The following ARHGEF4 variants were observed in gnomAD, a reference collection of about 807,000 sequenced individuals.
ARHGEF4 encodes Rho guanine nucleotide exchange factor 4, also known as APC-stimulated guanine nucleotide exchange factor 1.
A neutral mutation model predicts 162.0 loss-of-function variants in ARHGEF4; 119 were observed. That is an observed-to-expected ratio of 0.73 (90% CI 0.63 to 0.86). ARHGEF4 has a LOEUF of 0.86. Among genes scored for constraint, ARHGEF4 ranks in the 40% least tolerant of loss-of-function variants. The pLI is 0.00. For synonymous variants in ARHGEF4, 1,014 were observed against 979.9 expected (o/e 1.03, Z -0.65); for missense variants, 2,488 against 2,456.0 (o/e 1.01, Z -0.28).
chr2:131,025,288 T>A (rs1689407497), intron 4 of ARHGEF4, among the ~76,000 whole-genome samples: 1 of 152,142 alleles, frequency 6.6e-6, no homozygotes, highest in Admixed American at 6.5e-5. Flanking sequence ...TCATGAGAAC[T>A]CATTCACTAT....
In ARHGEF4 at chr2:130,890,432, G is replaced by T. The variant is rs375606747; in HGVS notation, c.40-23554G>T. Among the ~76,000 whole-genome samples the T allele has an allele frequency of 1.1e-3, 169 of 152,110 alleles. 1 individual carries two copies. The highest frequency in any genetic ancestry group is 3.8e-3 in the African/African-American group (158 of 41,490). ...CAAAAATTAACCAGGTGTGGTGGCG[G>T]GTGCCTGTAGTCCCAGGTACTTGGG... On this transcript the variant is annotated intron_variant, in intron 1 of 13. Coordinates refer to ENST00000409359, the MANE Select transcript of ARHGEF4 (RefSeq NM_001367493.1).
chr2:130,943,603 G>A (rs1683433462), intron 3 of ARHGEF4, among the ~76,000 whole-genome samples: 1 of 151,756 alleles, frequency 6.6e-6, no homozygotes, highest in South Asian at 2.1e-4. Flanking sequence ...CTTTGTATAG[G>A]TTTTTTTAGT....
Position 130,916,850 on chromosome 2 carries a change from CCTAGTGAGTCTGCCT to C in ARHGEF4, c.2909_2923del (p.Val970_Leu974del), listed in dbSNP as rs1166541251. On this transcript the variant is annotated inframe_deletion, in exon 2 of 14. Transcript: ENST00000409359. ...ATGCCGGAAGCCCCAAAAAGCCCACCCTAGTGAGTCTGCCTCTAGGACCCGAAGTTCTCTCCCCAG... is the reference window on the plus strand; with the variant it reads ...ATGCCGGAAGCCCCAAAAAGCCCACCCTAGGACCCGAAGTTCTCTCCCCAG... 4.0e-5 allele frequency: 62 copies of C among 1,550,306 alleles called. No individual in the cohort carries two copies. The highest frequency in any genetic ancestry group is 5.4e-5 in the Non-Finnish European group (62 of 1,146,992).
intron 3 of ARHGEF4, among the ~76,000 whole-genome samples, chr2:130,931,924 T>G (rs1475591775): frequency 2.0e-5 from 3 of 152,198 alleles, no homozygotes; most frequent in Non-Finnish European, 4.4e-5. Flanking sequence ...TGAGGTGAAA[T>G]TCACATAATG....
At chr2:130,884,824 G>T (rs1347858066) in intron 1 of ARHGEF4, among the ~76,000 whole-genome samples, 3 of 151,708 alleles carry the variant, frequency 2.0e-5, no homozygotes, top group Admixed American at 2.0e-4. Context: ...CTGCCTCCTG[G>T]AATCATACGC....
At chr2:130,840,186 GCA>G (rs1322762473) in intron 1 of ARHGEF4, among the ~76,000 whole-genome samples, 1 of 151,846 alleles carries the variant, frequency 6.6e-6, no homozygotes, top group Non-Finnish European at 1.5e-5. Context: ...GGACACACAG[GCA>G]CACACACAGA....
chr2:130,950,689 C>G lies in ARHGEF4; in HGVS notation c.3985+4054C>G, dbSNP rs188450159. 3.2e-3 allele frequency among the ~76,000 whole-genome samples: 465 copies of G among 146,162 alleles called. 6 individuals carry two copies. The South Asian group carries it at 0.036, about 11-fold the overall frequency. On this transcript the variant is annotated intron_variant, in intron 4 of 13. Transcript: ENST00000409359. ...AAGCTCTGTACCTTTAGCTATTACC[C>G]CCCACCACCACCCGAAGGAACCACT... is the stretch of plus-strand genomic sequence containing the variant.
chr2:130,886,317 G>T (rs1679516716), intron 1 of ARHGEF4, among the ~76,000 whole-genome samples: 1 of 151,672 alleles, frequency 6.6e-6, no homozygotes, highest in Non-Finnish European at 1.5e-5. Context: ...TAAGATCAAG[G>T]AGGTATTAAC....
intron 4 of ARHGEF4, among the ~76,000 whole-genome samples, chr2:130,985,932 ATG>A (rs772907650): frequency 1.3e-4 from 20 of 150,416 alleles, no homozygotes; most frequent in Non-Finnish European, 2.4e-4. Context: ...GGTGTGTTGC[ATG>A]TGTGTGTTGA....
intron 4 of ARHGEF4, among the ~76,000 whole-genome samples, chr2:130,980,540 G>C (rs1473003759): frequency 6.6e-6 from 1 of 152,002 alleles, no homozygotes; most frequent in Non-Finnish European, 1.5e-5. Context: ...ACTATACAAC[G>C]AAACAGGGAG....
At chr2:131,024,904 T>C (rs1179059569) in intron 4 of ARHGEF4, among the ~76,000 whole-genome samples, 1 of 152,184 alleles carries the variant, frequency 6.6e-6, no homozygotes, top group Non-Finnish European at 1.5e-5. Flanking sequence ...CTTTCCATAA[T>C]AGAAGTTTTT....
chr2:130,890,604 A>G (rs1185055067), intron 1 of ARHGEF4, among the ~76,000 whole-genome samples: 1 of 151,670 alleles, frequency 6.6e-6, no homozygotes, highest in East Asian at 1.9e-4. Context: ...TCTGTGGTAT[A>G]TTTTGTAAAT....
intron 4 of ARHGEF4, among the ~76,000 whole-genome samples, chr2:131,023,855 C>G (rs1451177574): frequency 6.6e-6 from 1 of 152,162 alleles, no homozygotes; most frequent in Non-Finnish European, 1.5e-5. Context: ...TGGAAACAAT[C>G]CACATATCCT....
At chr2:130,851,134 T>C (rs1198324180) in intron 1 of ARHGEF4, among the ~76,000 whole-genome samples, 1 of 152,258 alleles carries the variant, frequency 6.6e-6, no homozygotes, top group Non-Finnish European at 1.5e-5. Flanking sequence ...TCCTGACCGC[T>C]GTGGAGCGGA....
chr2:130,976,053 C>T (rs1015223308), intron 4 of ARHGEF4, among the ~76,000 whole-genome samples: 2 of 152,064 alleles, frequency 1.3e-5, no homozygotes, highest in Non-Finnish European at 2.9e-5. Flanking sequence ...CAGGTCTATC[C>T]GAATCCCGTG....
chr2:130,920,589 A>G (rs1681814264), intron 2 of ARHGEF4, among the ~76,000 whole-genome samples: 1 of 152,210 alleles, frequency 6.6e-6, no homozygotes, highest in African/African-American at 2.4e-5. Flanking sequence ...CTGGAATGTG[A>G]AACTCCCCTT....
intron 1 of ARHGEF4, among the ~76,000 whole-genome samples, chr2:130,851,295 G>T (rs1254990346): frequency 1.3e-5 from 2 of 152,258 alleles, no homozygotes; most frequent in Non-Finnish European, 2.9e-5. Flanking sequence ...GGCGCCAACT[G>T]TCAGGAGGGT....
At chr2:131,044,582 C>A in intron 12 of ARHGEF4, 40 bp downstream of exon 12, 1 of 1,531,354 alleles carries the variant, frequency 6.5e-7, no homozygotes, top group South Asian at 1.2e-5. Context: ...CCCCAGGGCC[C>A]ACCCGGCGCT....
intron 3 of ARHGEF4, among the ~76,000 whole-genome samples, chr2:130,935,328 G>A (rs555633528): frequency 1.3e-5 from 2 of 152,132 alleles, no homozygotes; most frequent in East Asian, 3.9e-4. Context: ...ATGAGCCACT[G>A]CACCTGGCCT....
Sources: gnomAD v4.1 joint callset for allele counts (sites outside exome capture counted in the v4.1 genomes callset) on GRCh38, gnomAD v4.1.1 for gene constraint, MANE v1.5 for transcripts, NCBI Gene and HGNC (gene_info 2026-07-23, HGNC 2026-07-21) for gene names.